The following ACER3 variants were observed in gnomAD, a reference collection of about 807,000 sequenced individuals.
The protein encoded by ACER3 is alkaline ceramidase 3, also known as alkCDase 3.
Under a neutral mutation model 48.9 loss-of-function variants are expected in ACER3, and 16 were observed. The observed-to-expected ratio is 0.33, with a 90% CI of 0.22 to 0.50. The LOEUF is 0.50. Among genes scored for constraint, ACER3 ranks in the 20% least tolerant of loss-of-function variants. The pLI is 0.98. For missense variants in ACER3, 227 were observed against 326.0 expected, an observed-to-expected ratio of 0.70 and a Z score of 2.34; for synonymous variants, 109 against 107.8, an observed-to-expected ratio of 1.01 and a Z score of -0.07.
chr11:76,988,940 T>G (rs543865979), intron 5 of ACER3, among the ~76,000 whole-genome samples: 17 of 152,310 alleles, frequency 1.1e-4, no homozygotes, highest in African/African-American at 3.6e-4. Flanking sequence ...TTAGTTTCCT[T>G]TATCTGTTAA....
At chr11:76,986,371 G>C (rs1948685457) in intron 5 of ACER3, among the ~76,000 whole-genome samples, 1 of 152,186 alleles carries the variant, frequency 6.6e-6, no homozygotes, top group African/African-American at 2.4e-5. Flanking sequence ...ATGAGATAAA[G>C]GAGGTTCAAT....
rs1949495514 is a variant in ACER3, at chr11:77,022,914, G to A, written c.*2587G>A. 5.3e-6 allele frequency: 2 copies of A among 378,468 alleles called. No individual in the cohort carries two copies. Among genetic ancestry groups the A allele is most frequent in the African/African-American group, 4.2e-5 (2 of 48,022 alleles). 23.4% of individuals were successfully genotyped at this position (378,468 alleles called of 1,614,324 possible). ...AAAAGAAAAGAAAAGAAAATATAAG[G>A]ATGTAAAAGAAGCAATTTGCTTGCA... On this transcript the variant is annotated 3_prime_UTR_variant, in exon 11 of 11. Coordinates refer to ENST00000532485, the MANE Select transcript of ACER3 (RefSeq NM_018367.7).
intron 1 of ACER3, among the ~76,000 whole-genome samples, chr11:76,875,398 G>A (rs1194393275): frequency 6.6e-6 from 1 of 151,894 alleles, no homozygotes; most frequent in Admixed American, 6.6e-5. Context: ...ATAAAGGCGT[G>A]AGCCACCGCG....
At chr11:76,942,772 T>G (rs567409464) in intron 2 of ACER3, among the ~76,000 whole-genome samples, 59 of 152,146 alleles carry the variant, frequency 3.9e-4, no homozygotes, top group African/African-American at 1.4e-3. Flanking sequence ...AGTTCTTCTT[T>G]GTATGTTTGG....
intron 2 of ACER3, among the ~76,000 whole-genome samples, chr11:76,946,078 C>T (rs934033382): frequency 1.2e-4 from 18 of 152,136 alleles, no homozygotes; most frequent in Admixed American, 2.6e-4. Context: ...CTCTCAGGTG[C>T]GTAGCATGGG....
chr11:76,955,271 CAT>C (rs1441986118), intron 2 of ACER3: 2 of 152,140 alleles, frequency 1.3e-5, no homozygotes, highest in African/African-American at 4.8e-5. Flanking sequence ...GAAATAAAAA[CAT>C]ATGTCCACAT....
chr11:76,942,630 T>C (rs748617841), intron 2 of ACER3, among the ~76,000 whole-genome samples: 1 of 152,094 alleles, frequency 6.6e-6, no homozygotes, highest in Non-Finnish European at 1.5e-5. Context: ...ATCAGAGATA[T>C]TGGTCTGTAG....
At chr11:76,883,634 G>A (rs1300907167) in intron 1 of ACER3, among the ~76,000 whole-genome samples, 2 of 151,856 alleles carry the variant, frequency 1.3e-5, no homozygotes, top group South Asian at 2.1e-4. Flanking sequence ...TAGTAGAGAC[G>A]GAGTTTCGCC....
chr11:76,926,266 G>A (rs568248426), intron 1 of ACER3, among the ~76,000 whole-genome samples: 74 of 152,232 alleles, frequency 4.9e-4, no homozygotes. Flanking sequence ...GTATCTCTGA[G>A]GTTCTTCCGG....
At position 76,963,994 on chromosome 11, in the gene ACER3, G is replaced by C. The variant is rs10793221; in HGVS notation, c.267+4963G>C. On this transcript the variant is annotated intron_variant, in intron 3 of 10. Transcript: ENST00000532485. ...AGGTCAGTGGGTGCAGTGCATGTGC[G>C]TGAGCCAAAGCAGGGCGAGGCATCG... Among the ~76,000 whole-genome samples the C allele has an allele frequency of 2.6e-5, 4 of 150,986 alleles. 1 individual carries two copies. Among genetic ancestry groups the C allele is most frequent in the African/African-American group, 9.9e-5 (4 of 40,432 alleles).
chr11:76,932,571 C>T (rs1590950642), intron 2 of ACER3, among the ~76,000 whole-genome samples: 2 of 152,044 alleles, frequency 1.3e-5, no homozygotes, highest in African/African-American at 4.8e-5. Flanking sequence ...ACAATAAGAA[C>T]AAAAAGACCT....
At position 77,016,780 on chromosome 11, in the gene ACER3, G is replaced by A; in HGVS notation, c.704+1G>A. 6.5e-7 allele frequency: 1 copy of A among 1,542,900 alleles called. No homozygotes were observed. The highest frequency in any genetic ancestry group is 8.8e-7 in the Non-Finnish European group (1 of 1,130,262). On this transcript the variant is annotated splice_donor_variant, in intron 9 of 10. Transcript: ENST00000532485. LOFTEE classifies it high-confidence loss of function. ...GTTCCTATCTTCACATCCTTTTCAGGTAGGAAATAGAGACTTTTTTAGCCT... is the reference window on the plus strand; with the variant it reads ...GTTCCTATCTTCACATCCTTTTCAGATAGGAAATAGAGACTTTTTTAGCCT...
At chr11:76,937,972 C>G (rs1431559431) in intron 2 of ACER3, among the ~76,000 whole-genome samples, 1 of 152,072 alleles carries the variant, frequency 6.6e-6, no homozygotes, top group African/African-American at 2.4e-5. Context: ...CTGAAGCTGT[C>G]TTTGTATGCA....
At chr11:76,987,459 T>C (rs7119492) in intron 5 of ACER3, among the ~76,000 whole-genome samples, 108,040 of 151,982 alleles carry the variant, frequency 0.71, 38,801 homozygotes, top group Non-Finnish European at 0.77. Flanking sequence ...AGTAGGTTTG[T>C]GCCATGGGGT....
Position 76,861,012 on chromosome 11 carries a change from C to A in ACER3, c.36C>A (p.Gly12=), listed in dbSNP as rs1244712897. 6.5e-7 allele frequency: 1 copy of A among 1,546,632 alleles called. No homozygotes were observed. The highest frequency in any genetic ancestry group is 2.5e-5 in the East Asian group (1 of 40,752). The change falls in exon 1 of 11, where the codon GGC becomes GGA. Residue 12 remains glycine (G), a synonymous_variant. Coordinates refer to ENST00000532485, the MANE Select transcript of ACER3 (RefSeq NM_018367.7). ...APAADREGYW[G]PTTSTLDWCE... The stretch of plus-strand genomic sequence containing the variant: ...CCGCGGACCGAGAGGGCTACTGGGG[C>A]CCCACGACCTCCACGCTGGACTGGT...
intron 3 of ACER3, among the ~76,000 whole-genome samples, chr11:76,975,682 GCA>G (rs2135149067): frequency 6.6e-6 from 1 of 152,088 alleles, no homozygotes; most frequent in East Asian, 1.9e-4. Flanking sequence ...GATATGAGCA[GCA>G]CAATGACAAG....
At chr11:77,012,763 G>T (rs1467865945) in intron 7 of ACER3, among the ~76,000 whole-genome samples, 3 of 152,130 alleles carry the variant, frequency 2.0e-5, no homozygotes, top group African/African-American at 7.2e-5. Flanking sequence ...GGTTCTGCAG[G>T]CTTTTTAGTA....
intron 2 of ACER3, among the ~76,000 whole-genome samples, chr11:76,954,614 T>TC (rs1374787852): frequency 1.3e-5 from 2 of 151,492 alleles, no homozygotes; most frequent in African/African-American, 4.9e-5. Context: ...TTTTTTGCTT[T>TC]TTTTTTGACA....
intron 2 of ACER3, among the ~76,000 whole-genome samples, chr11:76,928,294 T>G (rs1178345932): frequency 6.6e-6 from 1 of 152,226 alleles, no homozygotes; most frequent in South Asian, 2.1e-4. Flanking sequence ...CTTTGCCCAC[T>G]TTTTGATGGG....
Sources: gnomAD v4.1 joint callset for allele counts (sites outside exome capture counted in the v4.1 genomes callset) on GRCh38, gnomAD v4.1.1 for gene constraint, MANE v1.5 for transcripts, NCBI Gene and HGNC (gene_info 2026-07-23, HGNC 2026-07-21) for gene names.